Variants in CDH4 observed in about 807,000 individuals in gnomAD.
The protein encoded by CDH4 is cadherin-4.
CDH4 carries 33 observed loss-of-function variants against 86.0 expected under a neutral mutation model. The ratio of observed to expected loss-of-function variants is 0.38; its 90% CI spans 0.29 to 0.51. CDH4 has a LOEUF of 0.51. Ranked by LOEUF, CDH4 falls within the 20% of genes least tolerant of loss-of-function variation. The pLI is 0.86. For missense variants in CDH4, 1,114 were observed against 1,307.4 expected (o/e 0.85, Z 2.28); for synonymous variants, 555 against 549.4 (o/e 1.01, Z -0.14).
intron 4 of CDH4, among the ~76,000 whole-genome samples, chr20:61,791,230 G>C (rs936899125): frequency 1.3e-5 from 2 of 152,344 alleles, no homozygotes; most frequent in South Asian, 2.1e-4. Context: ...AGGTGTTTGG[G>C]GAAAGCCATT....
At chr20:61,464,043 A>G (rs1440005540) in intron 2 of CDH4, among the ~76,000 whole-genome samples, 1 of 152,212 alleles carries the variant, frequency 6.6e-6, no homozygotes, top group Admixed American at 6.5e-5. Flanking sequence ...TCAGGTGCAT[A>G]ATAATGCAGT....
chr20:61,496,346 G>A (rs535162351), intron 2 of CDH4, among the ~76,000 whole-genome samples: 2 of 151,966 alleles, frequency 1.3e-5, no homozygotes, highest in African/African-American at 4.8e-5. Flanking sequence ...TGAGGCTGCA[G>A]TGAGCCGATC....
At chr20:61,509,509 A>G (rs374308789) in intron 2 of CDH4, among the ~76,000 whole-genome samples, 1 of 147,206 alleles carries the variant, frequency 6.8e-6, no homozygotes, top group African/African-American at 2.5e-5. Flanking sequence ...GCCCTAAGGG[A>G]AGCCGAGCAT....
At chr20:61,914,544 C>G (rs1267981951) in intron 9 of CDH4, among the ~76,000 whole-genome samples, 1 of 152,168 alleles carries the variant, frequency 6.6e-6, no homozygotes, top group Non-Finnish European at 1.5e-5. Flanking sequence ...TCGGTGCGGG[C>G]TCAGCCTCAG....
rs1056390581 is a variant in CDH4 at position 61,642,082 on chromosome 20, G to A, written c.170-101481G>A. Among the ~76,000 whole-genome samples the A allele has an allele frequency of 4.0e-4, 61 of 151,988 alleles. 13 individuals are homozygous for A. The highest frequency in any genetic ancestry group is 8.4e-4 in the Non-Finnish European group (57 of 67,992). ...CAGATGGGGCTGCCTGACCCACCAG[G>A]CACCACAGCACCCAGGACCACGTGA... On this transcript the variant is annotated intron_variant, in intron 2 of 15. Coordinates refer to ENST00000614565, the MANE Select transcript of CDH4 (RefSeq NM_001794.5).
In CDH4 at chr20:61,589,836, AAAAG is replaced by A. The variant is rs753790111; in HGVS notation, c.170-153721_170-153718del. On this transcript the variant is annotated intron_variant, in intron 2 of 15. Coordinates refer to ENST00000614565, the MANE Select transcript of CDH4 (RefSeq NM_001794.5). ...AGTATAATAATAATTAAAAAAAAAA[AAAAG>A]AAAGACAAGGTTCAGCCCCAGGGAG... Among the ~76,000 whole-genome samples, 536 of 151,720 alleles carry A rather than the reference AAAAG, an allele frequency of 3.5e-3. 4 individuals are homozygous for A. The highest frequency in any genetic ancestry group is 3.8e-3 in the Non-Finnish European group (261 of 67,970).
intron 2 of CDH4, among the ~76,000 whole-genome samples, chr20:61,609,936 C>T (rs1212625099): frequency 2.6e-5 from 4 of 152,164 alleles, no homozygotes. Flanking sequence ...GTGCTGTGAT[C>T]AAACCAGGAT....
intron 2 of CDH4, among the ~76,000 whole-genome samples, chr20:61,671,499 A>G (rs2087386431): frequency 6.6e-6 from 1 of 151,968 alleles, no homozygotes; most frequent in Non-Finnish European, 1.5e-5. Flanking sequence ...TGGTCTCTAG[A>G]AAAAAAAGAA....
In CDH4 at chr20:61,743,713, G is replaced by C. The variant is rs139681917; in HGVS notation, c.320G>C (p.Ser107Thr). The change falls in exon 3 of 16, where the codon AGC becomes ACC. Residue 107 changes from serine to threonine, a missense_variant. Coordinates refer to ENST00000614565, the MANE Select transcript of CDH4 (RefSeq NM_001794.5). ...GCGTTCACGGTGACTGCATGGGACAGCCAGACAGCAGAGAAATGGGACGCC... is the reference window on the plus strand; with the variant it reads ...GCGTTCACGGTGACTGCATGGGACACCCAGACAGCAGAGAAATGGGACGCC... ...QVAFTVTAWD[S>T]QTAEKWDAVV... is the part of the protein sequence containing the mutation. 3 of 1,611,180 alleles carry C rather than the reference G, an allele frequency of 1.9e-6. No individual in the cohort carries two copies. The African/African-American group carries it at 4.0e-5, about 22-fold the overall frequency.
chr20:61,717,944 C>T (rs2087982870), intron 2 of CDH4: 1 of 152,244 alleles, frequency 6.6e-6, no homozygotes, highest in African/African-American at 2.4e-5. Flanking sequence ...GCCGAGGAGC[C>T]CACCGCCTGA....
intron 2 of CDH4, among the ~76,000 whole-genome samples, chr20:61,278,143 A>AT (rs938810907): frequency 1.4e-4 from 21 of 152,128 alleles, no homozygotes; most frequent in African/African-American, 2.7e-4. Context: ...CTCCTGCTTC[A>AT]TTTTTTAAAG....
intron 2 of CDH4, among the ~76,000 whole-genome samples, chr20:61,707,143 G>C (rs1026706558): frequency 8.5e-5 from 13 of 152,250 alleles, no homozygotes; most frequent in Non-Finnish European, 1.9e-4. Flanking sequence ...GAGTGCCGGG[G>C]TCCCCATGAG....
At chr20:61,639,754 A>G (rs1234075361) in intron 2 of CDH4, among the ~76,000 whole-genome samples, 1 of 145,376 alleles carries the variant, frequency 6.9e-6, no homozygotes, top group Non-Finnish European at 1.5e-5. Context: ...CTTTGTGGGG[A>G]CTCTTGGATC....
In CDH4 at chr20:61,681,827, A is replaced by C. The variant is rs79215437; in HGVS notation, c.170-61736A>C. Among the ~76,000 whole-genome samples the C allele has an allele frequency of 3.3e-5, 5 of 152,208 alleles. No individual in the cohort carries two copies. Among genetic ancestry groups the C allele is most frequent in the African/African-American group, 1.2e-4 (5 of 41,434 alleles). Reference sequence around the variant, plus strand: ...CTGGTGATGGAGGGACAGACAGAGCATCCCCACATTTGTCTTTGAGGGTGT... The same window carrying C: ...CTGGTGATGGAGGGACAGACAGAGCCTCCCCACATTTGTCTTTGAGGGTGT... On this transcript the variant is annotated intron_variant, in intron 2 of 15. Transcript: ENST00000614565. This position sits in a 1 kb window ranked among gnomAD's most constrained non-coding sequence, Gnocchi z 4.5.
chr20:61,388,283 G>T (rs1456280257), intron 2 of CDH4, among the ~76,000 whole-genome samples: 1 of 152,148 alleles, frequency 6.6e-6, no homozygotes, highest in Non-Finnish European at 1.5e-5. Context: ...GTGGGGGTAG[G>T]GGGGTGTGGG....
chr20:61,601,253 C>A (rs1338158196), intron 2 of CDH4, among the ~76,000 whole-genome samples: 3 of 152,166 alleles, frequency 2.0e-5, no homozygotes, highest in Non-Finnish European at 4.4e-5. Flanking sequence ...AAACAACCGG[C>A]TCTCATGAGA....
chr20:61,470,233 A>G (rs776739842), intron 2 of CDH4, among the ~76,000 whole-genome samples: 3 of 151,902 alleles, frequency 2.0e-5, no homozygotes, highest in Non-Finnish European at 4.4e-5. Flanking sequence ...TTTTTCATCA[A>G]TGGCTTATAG....
At chr20:61,750,140 T>G (rs2088473170) in intron 3 of CDH4, among the ~76,000 whole-genome samples, 1 of 151,972 alleles carries the variant, frequency 6.6e-6, no homozygotes, top group African/African-American at 2.4e-5. Flanking sequence ...ACCCAAAGTC[T>G]AAAGAAAGAA....
chr20:61,852,772 G>A lies in CDH4; in HGVS notation c.751G>A (p.Asp251Asn). ...TTTCCAGCTCCGAGCCCACGCTGTGGACATGAATGGCAACAAGGTGGAGAA... is the reference window on the plus strand; with the variant it reads ...TTTCCAGCTCCGAGCCCACGCTGTGAACATGAATGGCAACAAGGTGGAGAA... ...ASYHLRAHAVDMNGNKVENPI... is the reference protein window; with the variant it reads ...ASYHLRAHAVNMNGNKVENPI... Residue 251 changes from aspartate to asparagine, a missense_variant, in exon 6 of 16, where the codon GAC becomes AAC. Asp to Asn is a conservative substitution (Grantham distance 23). Transcript: ENST00000614565. 7 of 1,613,400 alleles carry A rather than the reference G, an allele frequency of 4.3e-6. No individual in the cohort carries two copies. Among genetic ancestry groups the A allele is most frequent in the Non-Finnish European group, 5.1e-6 (6 of 1,179,606 alleles).
Sources: allele counts gnomAD v4.1 joint callset (sites outside exome capture counted in the v4.1 genomes callset), GRCh38; gene constraint gnomAD v4.1.1; non-coding constraint Gnocchi (gnomAD v3.1); transcripts MANE v1.5; gene names NCBI Gene and HGNC (gene_info 2026-07-23, HGNC 2026-07-21).